The following RABGAP1 variants were observed in gnomAD, a reference collection of about 807,000 sequenced individuals.
The protein encoded by RABGAP1 is rab GTPase-activating protein 1.
Under a neutral mutation model 137.6 loss-of-function variants are expected in RABGAP1, and 23 were observed. The observed-to-expected ratio is 0.17, with a 90% CI of 0.12 to 0.24. The LOEUF (loss-of-function observed/expected upper bound fraction) is 0.24. Ranked by LOEUF, RABGAP1 falls within the 10% of genes least tolerant of loss-of-function variation. RABGAP1 has a pLI of 1.00. For missense variants in RABGAP1, 906 were observed against 1,275.8 expected (o/e 0.71, Z 4.42); for synonymous variants, 451 against 450.7 (o/e 1.00, Z -0.01).
chr9:123,025,121 T>C (rs1366095107), intron 13 of RABGAP1, among the ~76,000 whole-genome samples: 3 of 152,236 alleles, frequency 2.0e-5, no homozygotes, highest in Non-Finnish European at 4.4e-5. Context: ...GCAGTTCGAT[T>C]TTACTTTCTT....
chr9:122,998,455 A>G, intron 9 of RABGAP1, 142 bp from the exon 10 acceptor site: 2 of 670,934 alleles, frequency 3.0e-6, no homozygotes, highest in Admixed American at 6.0e-5. Flanking sequence ...TTATTTGTCT[A>G]GTTATTTTAC....
intron 13 of RABGAP1, among the ~76,000 whole-genome samples, chr9:123,028,963 A>AT (rs1278576886): frequency 5.3e-5 from 8 of 152,128 alleles, no homozygotes; most frequent in African/African-American, 1.7e-4. Context: ...TATTATATAT[A>AT]TTTTTTGCTT....
intron 2 of RABGAP1, among the ~76,000 whole-genome samples, chr9:122,963,393 G>A (rs895446712): frequency 6.6e-6 from 1 of 152,098 alleles, no homozygotes; most frequent in African/African-American, 2.4e-5. Context: ...CCCAACAATA[G>A]CAGAGTATTC....
chr9:123,076,873 A>G, intron 19 of RABGAP1, 111 bp downstream of exon 19: 1 of 640,306 alleles, frequency 1.6e-6, no homozygotes, highest in Non-Finnish European at 2.1e-6. Context: ...CATTTATAAT[A>G]CATATTAGTG....
chr9:123,005,957 T>A (rs973004178), intron 10 of RABGAP1, among the ~76,000 whole-genome samples: 1 of 152,226 alleles, frequency 6.6e-6, no homozygotes, highest in East Asian at 1.9e-4. Context: ...AAGAATAGTT[T>A]TAGTTTATCC....
chr9:122,962,424 G>C (rs1205588961), intron 2 of RABGAP1, among the ~76,000 whole-genome samples: 2 of 151,914 alleles, frequency 1.3e-5, no homozygotes, highest in Non-Finnish European at 2.9e-5. Flanking sequence ...GGGAGGCTGA[G>C]GTGGGAGAAT....
intron 13 of RABGAP1, among the ~76,000 whole-genome samples, chr9:123,044,798 G>T (rs1162726356): frequency 6.6e-6 from 1 of 152,176 alleles, no homozygotes; most frequent in African/African-American, 2.4e-5. Flanking sequence ...AGAAGGCAGT[G>T]TGAGAGATGG....
At chr9:123,049,848 G>C (rs2033380442) in intron 13 of RABGAP1, among the ~76,000 whole-genome samples, 1 of 152,210 alleles carries the variant, frequency 6.6e-6, no homozygotes, top group African/African-American at 2.4e-5. Context: ...TAAGCCACCA[G>C]CTTTCCATGC....
At chr9:123,069,397 C>G (rs1189032575) in intron 14 of RABGAP1, among the ~76,000 whole-genome samples, 1 of 152,132 alleles carries the variant, frequency 6.6e-6, no homozygotes, top group Non-Finnish European at 1.5e-5. Context: ...GAACATCACC[C>G]TGTCCCTCAC....
At chr9:123,029,503 G>A (rs577771791) in intron 13 of RABGAP1, 3 of 980,968 alleles carry the variant, frequency 3.1e-6, no homozygotes, top group Non-Finnish European at 5.0e-6. Context: ...GGGCTGCCCT[G>A]GCCAGGGAAC....
intron 2 of RABGAP1, among the ~76,000 whole-genome samples, chr9:122,976,400 T>C (rs1201672046): frequency 1.3e-5 from 2 of 152,222 alleles, no homozygotes; most frequent in Admixed American, 6.5e-5. Flanking sequence ...AAATATATTG[T>C]TTGTGTTTTG....
At chr9:122,942,957 G>A (rs545958563) in intron 1 of RABGAP1, among the ~76,000 whole-genome samples, 2 of 152,068 alleles carry the variant, frequency 1.3e-5, no homozygotes, top group African/African-American at 4.8e-5. Context: ...ACTGCAGTAA[G>A]CTATGATGGG....
chr9:122,973,666 G>A (rs1281151918), intron 2 of RABGAP1, among the ~76,000 whole-genome samples: 2 of 152,194 alleles, frequency 1.3e-5, no homozygotes, highest in Non-Finnish European at 2.9e-5. Flanking sequence ...CTCTGTCTCA[G>A]TAATGCCGAA....
intron 13 of RABGAP1, among the ~76,000 whole-genome samples, chr9:123,044,776 A>G (rs1003480253): frequency 3.9e-5 from 6 of 152,140 alleles, no homozygotes; most frequent in African/African-American, 1.4e-4. Flanking sequence ...TGCCTGTTAA[A>G]TAGATTTCCT....
chr9:122,957,640 A>G (rs1324998599), intron 2 of RABGAP1, among the ~76,000 whole-genome samples: 2 of 151,980 alleles, frequency 1.3e-5, no homozygotes, highest in Non-Finnish European at 1.5e-5. Flanking sequence ...CTCAGCCACT[A>G]TTACTTATTT....
intron 10 of RABGAP1, among the ~76,000 whole-genome samples, chr9:123,003,725 A>G (rs1436337591): frequency 6.6e-6 from 1 of 152,208 alleles, no homozygotes; most frequent in African/African-American, 2.4e-5. Context: ...GAAACTAAAC[A>G]TTAGTAGGGA....
At chr9:123,096,861 C>T (rs1349328102) in intron 21 of RABGAP1, among the ~76,000 whole-genome samples, 1 of 152,232 alleles carries the variant, frequency 6.6e-6, no homozygotes, top group East Asian at 1.9e-4. Flanking sequence ...TGAGCCACCG[C>T]ACCTGGCCCA....
intron 10 of RABGAP1, among the ~76,000 whole-genome samples, chr9:123,008,999 T>G (rs1229597182): frequency 6.6e-6 from 1 of 152,214 alleles, no homozygotes; most frequent in Non-Finnish European, 1.5e-5. Flanking sequence ...AGTAGCTAAG[T>G]CAAAATGGCA....
chr9:122,936,950 A>G (rs1477154223), upstream of RABGAP1, among the ~76,000 whole-genome samples: 1 of 152,204 alleles, frequency 6.6e-6, no homozygotes, highest in Non-Finnish European at 1.5e-5. Flanking sequence ...GACAATTACA[A>G]AAGCCCAGCA....
Sources: allele counts gnomAD v4.1 joint callset (sites outside exome capture counted in the v4.1 genomes callset), GRCh38; gene constraint gnomAD v4.1.1; transcripts MANE v1.5; gene names NCBI Gene and HGNC (gene_info 2026-07-23, HGNC 2026-07-21).